Variants in EPN2 observed in about 807,000 individuals in gnomAD.
The protein encoded by EPN2 is epsin-2.
Under a neutral mutation model 61.7 loss-of-function variants are expected in EPN2, and 34 were observed. The observed-to-expected ratio is 0.55, with a 90% confidence interval of 0.42 to 0.73. EPN2 has a LOEUF of 0.73. Among genes scored for constraint, EPN2 ranks in the 30% least tolerant of loss-of-function variants. EPN2 has a pLI of 0.00. For missense variants in EPN2, 714 were observed against 839.2 expected, an observed-to-expected ratio of 0.85 and a Z score of 1.84; for synonymous variants, 349 against 353.6, an observed-to-expected ratio of 0.99 and a Z score of 0.15.
intron 4 of EPN2, chr17:19,308,030 A>C (rs554600713): frequency 1.0e-6 from 1 of 984,252 alleles, no homozygotes; most frequent in East Asian, 1.1e-4. Context: ...AGGTTTCCTA[A>C]AATAGATGTA....
At chr17:19,258,327 A>G (rs1476747863) in intron 1 of EPN2, among the ~76,000 whole-genome samples, 2 of 152,148 alleles carry the variant, frequency 1.3e-5, no homozygotes, top group African/African-American at 4.8e-5. Context: ...CCCATCTATG[A>G]TATAAATGAG....
At position 19,282,918 on chromosome 17, in the gene EPN2, G is replaced by A. The variant is rs2045371888; in HGVS notation, c.-170-32G>A. ...TCTCCCACCCTCACAGGGGGCTTAC[G>A]TCGCAGTGGAATGGGTTTTCTCTTT... is the stretch of plus-strand genomic sequence containing the variant. On this transcript the variant is annotated intron_variant, in intron 2 of 10. Transcript: ENST00000314728. 6 of 542,244 alleles carry A rather than the reference G, an allele frequency of 1.1e-5. No homozygotes were observed. In the South Asian group the frequency reaches 1.2e-4, roughly 11 times the overall value. 33.6% of individuals were successfully genotyped at this position (542,244 alleles called of 1,614,324 possible).
chr17:19,245,404 A>G (rs954827694), intron 1 of EPN2, among the ~76,000 whole-genome samples: 6 of 148,714 alleles, frequency 4.0e-5, no homozygotes, highest in African/African-American at 1.5e-4. Context: ...GGGGTCAAAT[A>G]TGGAATTTGG....
At chr17:19,327,989 A>G (rs1906966642) in intron 7 of EPN2, among the ~76,000 whole-genome samples, 1 of 152,260 alleles carries the variant, frequency 6.6e-6, no homozygotes, top group Non-Finnish European at 1.5e-5. Flanking sequence ...AAAGATGCAC[A>G]TCACAGCGTT....
intron 1 of EPN2, among the ~76,000 whole-genome samples, chr17:19,281,060 C>G (rs1567852865): frequency 1.3e-5 from 2 of 152,212 alleles, no homozygotes; most frequent in Non-Finnish European, 2.9e-5. Context: ...GAGTGCAGAG[C>G]TTCCATGCCA....
At chr17:19,278,030 C>G (rs1196273136) in intron 1 of EPN2, among the ~76,000 whole-genome samples, 1 of 146,534 alleles carries the variant, frequency 6.8e-6, no homozygotes, top group Admixed American at 6.9e-5. Context: ...GCCGAGATCA[C>G]ACCACTGCAC....
chr17:19,267,554 TTA>T (rs2045212632), intron 1 of EPN2, among the ~76,000 whole-genome samples: 1 of 151,504 alleles, frequency 6.6e-6, no homozygotes, highest in African/African-American at 2.4e-5. Context: ...TTTTTTTTTT[TTA>T]AAAAAAGACA....
intron 3 of EPN2, among the ~76,000 whole-genome samples, chr17:19,284,781 A>C (rs879237996): frequency 6.6e-6 from 1 of 152,218 alleles, no homozygotes; most frequent in Non-Finnish European, 1.5e-5. Flanking sequence ...GCATTTTGAG[A>C]AATGTGTTAA....
intron 5 of EPN2, among the ~76,000 whole-genome samples, chr17:19,311,047 TC>T (rs1567864076): frequency 6.6e-6 from 1 of 152,198 alleles, no homozygotes; most frequent in Non-Finnish European, 1.5e-5. Context: ...GGGATTCCTC[TC>T]CTCTATTAGA....
At chr17:19,314,519 C>T (rs1166550289) in intron 7 of EPN2, among the ~76,000 whole-genome samples, 1 of 152,166 alleles carries the variant, frequency 6.6e-6, no homozygotes, top group African/African-American at 2.4e-5. Context: ...CCAGATCACT[C>T]AGGGCCTGCA....
intron 4 of EPN2, among the ~76,000 whole-genome samples, chr17:19,290,954 C>T (rs1220910809): frequency 6.6e-6 from 1 of 152,162 alleles, no homozygotes; most frequent in Non-Finnish European, 1.5e-5. Context: ...AGAGAAATGA[C>T]AGGGATTCCT....
rs939811348 is a variant in EPN2, at chr17:19,296,095, T to G, written c.766+10305T>G. ...GGATAACCAGAGCTCCTCCCGCAAG[T>G]CCACTCTGCGACCTGCTTCTCCAAG... On this transcript the variant is annotated intron_variant, in intron 4 of 10. Coordinates refer to ENST00000314728, the MANE Select transcript of EPN2 (RefSeq NM_014964.5). 2.6e-5 allele frequency among the ~76,000 whole-genome samples: 4 copies of G among 152,044 alleles called. No individual in the cohort carries two copies. In the East Asian group the frequency reaches 7.7e-4, roughly 29 times the overall value.
intron 1 of EPN2, among the ~76,000 whole-genome samples, chr17:19,262,391 T>C (rs1187660467): frequency 6.6e-6 from 1 of 152,036 alleles, no homozygotes; most frequent in Non-Finnish European, 1.5e-5. Flanking sequence ...GGCAGGAGAA[T>C]CGCTTGGACC....
intron 4 of EPN2, among the ~76,000 whole-genome samples, chr17:19,296,084 C>T (rs931068852): frequency 2.6e-5 from 4 of 152,100 alleles, no homozygotes; most frequent in African/African-American, 9.7e-5. Context: ...AACCAGAGCT[C>T]CTCCCGCAAG....
rs766973140 is a variant in EPN2 at position 19,285,748 on chromosome 17, G to T, written c.724G>T (p.Asp242Tyr). The change falls in exon 4 of 11, where the codon GAC becomes TAC. Residue 242 changes from aspartate to tyrosine, a missense_variant. Physicochemically the swap from Asp to Tyr is radical, Grantham distance 160. This residue lies in a region of EPN2 where 304 missense variants were observed against 417.4 expected (regional missense o/e 0.73). Coordinates refer to ENST00000314728, the MANE Select transcript of EPN2 (RefSeq NM_014964.5). This position sits in a 1 kb window ranked among gnomAD's most constrained non-coding sequence, Gnocchi z 4.5. ...GGGGCTGGCCTCCCGCCCAAATGGC[G>T]ACTGGTCCCAGCCCTGCCTCACTTG... is the stretch of plus-strand genomic sequence containing the variant. ...HLGLASRPNG[D>Y]WSQPCLTCDR... 4 of 1,608,936 alleles carry T rather than the reference G, an allele frequency of 2.5e-6. No individual in the cohort carries two copies. The highest frequency in any genetic ancestry group is 3.4e-6 in the Non-Finnish European group (4 of 1,178,650).
At chr17:19,278,219 G>T (rs1246038423) in intron 1 of EPN2, among the ~76,000 whole-genome samples, 1 of 152,084 alleles carries the variant, frequency 6.6e-6, no homozygotes, top group African/African-American at 2.4e-5. Flanking sequence ...CAAGTGATCT[G>T]CCCGCCTCGG....
chr17:19,303,412 T>C (rs1029798407), intron 4 of EPN2, among the ~76,000 whole-genome samples: 3 of 152,224 alleles, frequency 2.0e-5, no homozygotes, highest in Non-Finnish European at 2.9e-5. Context: ...GTCTGTGTCA[T>C]GGCAGCACGT....
chr17:19,284,220 G>C (rs1013103184), intron 3 of EPN2, among the ~76,000 whole-genome samples: 4 of 152,238 alleles, frequency 2.6e-5, no homozygotes, highest in African/African-American at 9.6e-5. Context: ...CAGGTTGCTA[G>C]TGTGAACAAG....
chr17:19,295,360 A>ACGCGCGCGCG (rs1202148585), intron 4 of EPN2, among the ~76,000 whole-genome samples: 12 of 69,334 alleles, frequency 1.7e-4, no homozygotes, highest in African/African-American at 4.5e-4. Context: ...ACACACACAC[A>ACGCGCGCGCG]CACACACGCG....
Sources: gnomAD v4.1 joint callset for allele counts (sites outside exome capture counted in the v4.1 genomes callset) on GRCh38, gnomAD v4.1.1 for gene constraint, gnomAD v4.1.1 regional missense constraint, Gnocchi (gnomAD v3.1) non-coding constraint, MANE v1.5 for transcripts, NCBI Gene and HGNC (gene_info 2026-07-23, HGNC 2026-07-21) for gene names.